Variants in GALNT17 observed in about 807,000 individuals in gnomAD.
GALNT17 encodes the protein UDP-GalNAc:polypeptide N-acetylgalactosaminyltransferase-like 3.
GALNT17 carries 29 observed loss-of-function variants against 63.7 expected under a neutral mutation model. The observed-to-expected ratio is 0.46, with a 90% CI of 0.34 to 0.62. GALNT17 has a LOEUF of 0.62. Among genes scored for constraint, GALNT17 ranks in the 20% least tolerant of loss-of-function variants. The pLI is 0.01. For synonymous variants in GALNT17, 305 were observed against 318.3 expected, an observed-to-expected ratio of 0.96 and a Z score of 0.45; for missense variants, 603 against 799.6, an observed-to-expected ratio of 0.75 and a Z score of 2.97.
At chr7:71,252,814 C>T (rs1790223779) in intron 1 of GALNT17, among the ~76,000 whole-genome samples, 1 of 152,174 alleles carries the variant, frequency 6.6e-6, no homozygotes, top group Non-Finnish European at 1.5e-5. Context: ...AGATAAAAGG[C>T]TGCATACCTC....
At chr7:71,455,648 C>T (rs187242173) in intron 5 of GALNT17, among the ~76,000 whole-genome samples, 92 of 152,206 alleles carry the variant, frequency 6.0e-4, no homozygotes, top group African/African-American at 2.1e-3. Context: ...GTTCTTGTTC[C>T]CAGAGAAGGC....
At chr7:71,141,075 ATGGTGACTCAGGGCCAGGCG>A (rs1231555534) in intron 1 of GALNT17, among the ~76,000 whole-genome samples, 118 of 151,280 alleles carry the variant, frequency 7.8e-4, no homozygotes, top group African/African-American at 2.7e-3. Context: ...AGGGCCAGGC[ATGGTGACTCAGGGCCAGGCG>A]TGGTGACTCA....
chr7:71,309,484 G>A (rs1003390121), intron 1 of GALNT17, among the ~76,000 whole-genome samples: 2 of 152,030 alleles, frequency 1.3e-5, no homozygotes, highest in East Asian at 1.9e-4. Flanking sequence ...CCGAGACCAA[G>A]GAGAGAAAAC....
rs568067749 is a variant in GALNT17 at position 71,364,324 on chromosome 7, C to T, written c.423-23911C>T. Reference sequence around the variant, plus strand: ...GGCATGTAGGATCTTGGTGCTCCCACACAGTTTTATCTTTTCCTTCTCTGA... The same window carrying T: ...GGCATGTAGGATCTTGGTGCTCCCATACAGTTTTATCTTTTCCTTCTCTGA... On this transcript the variant is annotated intron_variant, in intron 2 of 10. Coordinates refer to ENST00000333538, the MANE Select transcript of GALNT17 (RefSeq NM_022479.3). Among the ~76,000 whole-genome samples the T allele has an allele frequency of 3.3e-5, 5 of 152,284 alleles. No individual in the cohort carries two copies. In the South Asian group the frequency reaches 8.3e-4, roughly 25 times the overall value.
intron 9 of GALNT17, among the ~76,000 whole-genome samples, chr7:71,707,217 G>T (rs1456304098): frequency 6.7e-6 from 1 of 149,390 alleles, no homozygotes; most frequent in Non-Finnish European, 1.5e-5. Context: ...TTCAAATGAT[G>T]CCATTCACCA....
At chr7:71,157,489 C>T (rs1009881139) in intron 1 of GALNT17, among the ~76,000 whole-genome samples, 3 of 151,698 alleles carry the variant, frequency 2.0e-5, no homozygotes, top group African/African-American at 7.3e-5. Flanking sequence ...GAAACCCTGT[C>T]TCTTCAGAGA....
intron 4 of GALNT17, among the ~76,000 whole-genome samples, chr7:71,418,795 A>C (rs2960887): frequency 0.099 from 15,061 of 152,178 alleles, 1,373 homozygotes; most frequent in African/African-American, 0.24. Flanking sequence ...TAAGATCAAA[A>C]TTCTCAGCCG....
chr7:71,252,130 G>A (rs1035662312), intron 1 of GALNT17, among the ~76,000 whole-genome samples: 2 of 151,422 alleles, frequency 1.3e-5, no homozygotes, highest in South Asian at 4.2e-4. Context: ...GGTTATACCC[G>A]ATATCCTTTT....
chr7:71,524,410 G>A lies in GALNT17; in HGVS notation c.963-46875G>A, dbSNP rs147154273. Among the ~76,000 whole-genome samples, 113 of 150,526 alleles carry A rather than the reference G, an allele frequency of 7.5e-4. No homozygotes were observed. In the East Asian group the frequency reaches 8.6e-3, roughly 11 times the overall value. Reference sequence around the variant, plus strand: ...ATTTTTTGTGTGTGTCTGTTTTCCCGCGTTCCCCAGTTGGTTCTGATGCTA... The same window carrying A: ...ATTTTTTGTGTGTGTCTGTTTTCCCACGTTCCCCAGTTGGTTCTGATGCTA... On this transcript the variant is annotated intron_variant, in intron 5 of 10. Transcript: ENST00000333538.
intron 1 of GALNT17, among the ~76,000 whole-genome samples, chr7:71,277,631 C>G (rs113953090): frequency 6.6e-6 from 1 of 152,150 alleles, no homozygotes; most frequent in Non-Finnish European, 1.5e-5. Flanking sequence ...ACTGCCACTG[C>G]GCAAACCTGG....
intron 7 of GALNT17, among the ~76,000 whole-genome samples, chr7:71,665,882 A>C (rs1790977659): frequency 6.6e-6 from 1 of 152,092 alleles, no homozygotes; most frequent in Non-Finnish European, 1.5e-5. Context: ...TCCTGATGAT[A>C]TGCTGTGTCC....
intron 2 of GALNT17, among the ~76,000 whole-genome samples, chr7:71,338,981 T>A (rs1457997655): frequency 6.6e-6 from 1 of 152,248 alleles, no homozygotes; most frequent in Non-Finnish European, 1.5e-5. Flanking sequence ...GAAGCTATTT[T>A]GTGTCCCTGG....
intron 5 of GALNT17, among the ~76,000 whole-genome samples, chr7:71,468,148 C>CTATA (rs1455100715): frequency 6.6e-6 from 1 of 152,130 alleles, no homozygotes; most frequent in African/African-American, 2.4e-5. Flanking sequence ...CTGCCGCAGT[C>CTATA]TATAGTGTAG....
At chr7:71,138,053 G>C (rs1562852876) in intron 1 of GALNT17, among the ~76,000 whole-genome samples, 1 of 152,168 alleles carries the variant, frequency 6.6e-6, no homozygotes, top group East Asian at 1.9e-4. Flanking sequence ...ATGTTATTAA[G>C]AAAATTGTAT....
rs535561026 is a variant in GALNT17 at position 71,441,109 on chromosome 7, G to A, written c.962+20004G>A. Among the ~76,000 whole-genome samples, 16 of 151,462 alleles carry A rather than the reference G, an allele frequency of 1.1e-4. No individual in the cohort carries two copies. The East Asian group carries it at 1.2e-3, about 11-fold the overall frequency. ...GCGATCTTGGCTCACTGCAACCTCC[G>A]CCTCCTGGGTTCAAGTTGTTCTCCT... is the stretch of plus-strand genomic sequence containing the variant. On this transcript the variant is annotated intron_variant, in intron 5 of 10. Transcript: ENST00000333538.
intron 2 of GALNT17, among the ~76,000 whole-genome samples, chr7:71,355,834 A>G (rs7778324): frequency 0.15 from 23,508 of 151,818 alleles, 2,078 homozygotes; most frequent in East Asian, 0.3. Context: ...TGCCCAGCAG[A>G]TTCTATTTTA....
chr7:71,502,340 A>G (rs1259288701), intron 5 of GALNT17, among the ~76,000 whole-genome samples: 6 of 152,184 alleles, frequency 3.9e-5, no homozygotes, highest in African/African-American at 1.2e-4. Flanking sequence ...GGTCACATTC[A>G]TCGGAATTGG....
At chr7:71,588,672 C>T (rs890897890) in intron 6 of GALNT17, among the ~76,000 whole-genome samples, 18 of 152,286 alleles carry the variant, frequency 1.2e-4, no homozygotes, top group Non-Finnish European at 2.4e-4. Context: ...CTTGGGCCTT[C>T]AGTTCTACAA....
chr7:71,133,033 G>A lies in GALNT17; in HGVS notation c.231G>A (p.Gln77=). 1 of 1,579,016 alleles carries A rather than the reference G, an allele frequency of 6.3e-7. No individual in the cohort carries two copies. Among genetic ancestry groups the A allele is most frequent in the Non-Finnish European group, 8.6e-7 (1 of 1,163,582 alleles). ...TGCTGGAGGACATCGTGTACCGGCA[G>A]CTGAATGGTAAGGACGCACGCCGGC... ...LSLLEDIVYR[Q]LNGLSKSLGL... The change falls in exon 1 of 11, where the codon CAG becomes CAA. Residue 77 remains glutamine, a synonymous_variant. Coordinates refer to ENST00000333538, the MANE Select transcript of GALNT17 (RefSeq NM_022479.3).
Sources: allele counts gnomAD v4.1 joint callset (sites outside exome capture counted in the v4.1 genomes callset), GRCh38; gene constraint gnomAD v4.1.1; transcripts MANE v1.5; gene names NCBI Gene and HGNC (gene_info 2026-07-23, HGNC 2026-07-21).